Variants in FLRT3 observed in about 807,000 individuals in gnomAD.
FLRT3 encodes the protein fibronectin leucine rich transmembrane protein 3.
FLRT3 carries 17 observed loss-of-function variants against 42.6 expected under a neutral mutation model. The observed-to-expected ratio is 0.40, with a 90% CI of 0.27 to 0.60. The LOEUF is 0.60. Ranked by LOEUF, FLRT3 falls within the 20% of genes least tolerant of loss-of-function variation. The pLI, the probability that FLRT3 is intolerant of heterozygous loss-of-function variation, is 0.44. For missense variants in FLRT3, 635 were observed against 789.2 expected (o/e 0.80, Z 2.34); for synonymous variants, 279 against 286.4 (o/e 0.97, Z 0.26).
At chr20:14,332,402 C>T (rs1476554976) in intron 1 of FLRT3, among the ~76,000 whole-genome samples, 1 of 152,002 alleles carries the variant, frequency 6.6e-6, no homozygotes, top group Non-Finnish European at 1.5e-5. Flanking sequence ...GATTTCTTCC[C>T]TGCTACTACA....
At chr20:14,334,567 G>A in intron 1 of FLRT3, among the ~76,000 whole-genome samples, 1 of 148,998 alleles carries the variant, frequency 6.7e-6, no homozygotes, top group East Asian at 2.1e-4. Context: ...CCGCAAGTCA[G>A]ATGTTGGCTG....
rs1378755718 is a variant in FLRT3 at position 14,327,236 on chromosome 20, A to G, written c.271T>C (p.Tyr91His). 1 of 1,613,738 alleles carries G rather than the reference A, an allele frequency of 6.2e-7. No homozygotes were observed. The highest frequency in any genetic ancestry group is 1.7e-5 in the Admixed American group (1 of 59,966). ...GGAAATTCATCTAAACTGTTGTGGTATAGGTATATTCTTTCTACTTTCAGC... is the reference window on the plus strand; with the variant it reads ...GGAAATTCATCTAAACTGTTGTGGTGTAGGTATATTCTTTCTACTTTCAGC... ...NLLKVERIYL[Y>H]HNSLDEFPTN... The change falls in exon 3 of 3, where the codon TAC becomes CAC. Residue 91 changes from tyrosine to histidine, a missense_variant. Tyr to His is a moderately conservative substitution (Grantham distance 83). Coordinates refer to ENST00000341420, the MANE Select transcript of FLRT3 (RefSeq NM_198391.3).
intron 2 of FLRT3, among the ~76,000 whole-genome samples, chr20:14,328,641 C>T (rs1222690781): frequency 6.6e-6 from 1 of 152,028 alleles, no homozygotes; most frequent in Non-Finnish European, 1.5e-5. Context: ...ATATTATTTT[C>T]CTGGTGAGGG....
intron 1 of FLRT3, 81 bp from the exon 2 acceptor site, chr20:14,329,408 A>G (rs538282745): frequency 1.3e-5 from 2 of 152,236 alleles, no homozygotes; most frequent in East Asian, 1.9e-4. Context: ...TTTAATTTCA[A>G]TGTCTTAAAA....
In FLRT3 at chr20:14,326,300, T is replaced by C; in HGVS notation, c.1207A>G (p.Thr403Ala). ...NPKLTKDHQTTGSPSRKTITI... is the reference protein window; with the variant it reads ...NPKLTKDHQTAGSPSRKTITI... ...ATTGTTTTTCTTGAGGGACTCCCTG[T>C]GGTTTGGTGATCCTTAGTGAGCTTG... Residue 403 changes from threonine to alanine, a missense_variant, in exon 3 of 3, where the codon ACA becomes GCA. Physicochemically the swap from Thr to Ala is moderately conservative, Grantham distance 58. Transcript: ENST00000341420. The surrounding 1 kb of genome is among the most constrained non-coding windows in gnomAD (Gnocchi z 5.5). 6.2e-7 allele frequency: 1 copy of C among 1,613,926 alleles called. No individual in the cohort carries two copies. The highest frequency in any genetic ancestry group is 2.2e-5 in the East Asian group (1 of 44,866).
chr20:14,328,392 T>C (rs988876499), intron 2 of FLRT3, among the ~76,000 whole-genome samples: 5 of 152,128 alleles, frequency 3.3e-5, no homozygotes, highest in Non-Finnish European at 5.9e-5. Flanking sequence ...TTCTACCTCA[T>C]AACGTGTTGT....
At chr20:14,334,795 C>CT (rs11087087) in intron 1 of FLRT3, among the ~76,000 whole-genome samples, 5,345 of 148,724 alleles carry the variant, frequency 0.036, 297 homozygotes, top group African/African-American at 0.12. Context: ...ATTTCTAATG[C>CT]TTTTTTTTTT....
intron 1 of FLRT3, among the ~76,000 whole-genome samples, chr20:14,332,197 A>G (rs1165643239): frequency 6.6e-6 from 1 of 152,120 alleles, no homozygotes; most frequent in Non-Finnish European, 1.5e-5. Context: ...ACAAATAAAA[A>G]TTGTGGGGTT....
In FLRT3 at chr20:14,326,297, C is replaced by G; in HGVS notation, c.1210G>C (p.Gly404Arg). ...GTAATTGTTTTTCTTGAGGGACTCC[C>G]TGTGGTTTGGTGATCCTTAGTGAGC... ...PKLTKDHQTT[G>R]SPSRKTITIT... Residue 404 changes from glycine to arginine, a missense_variant, in exon 3 of 3, where the codon GGG (glycine) becomes CGG (arginine). By Grantham distance (125) the Gly-to-Arg change is moderately radical. Coordinates refer to ENST00000341420, the MANE Select transcript of FLRT3 (RefSeq NM_198391.3). The surrounding 1 kb of genome is among the most constrained non-coding windows in gnomAD (Gnocchi z 5.5). The G allele has an allele frequency of 6.2e-7, 1 of 1,613,872 alleles. No homozygotes were observed. Among genetic ancestry groups the G allele is most frequent in the Non-Finnish European group, 8.5e-7 (1 of 1,179,868 alleles).
At position 14,326,695 on chromosome 20, in the gene FLRT3, C is replaced by G; in HGVS notation, c.812G>C (p.Arg271Thr). Residue 271 changes from arginine (R) to threonine (T), a missense_variant, in exon 3 of 3, where the codon AGG becomes ACG. By Grantham distance (71) the Arg-to-Thr change is moderately conservative. Coordinates refer to ENST00000341420, the MANE Select transcript of FLRT3 (RefSeq NM_198391.3). The surrounding 1 kb of genome is among the most constrained non-coding windows in gnomAD (Gnocchi z 5.5). Reference sequence around the variant, plus strand: ...GGACATATCCAGTCGATAGAGCTGCCTTAGATAAGAAAAAGCATTTGGGGG... The same window carrying G: ...GGACATATCCAGTCGATAGAGCTGCGTTAGATAAGAAAAAGCATTTGGGGG... ...RVPPNAFSYLRQLYRLDMSNN... is the reference protein window; with the variant it reads ...RVPPNAFSYLTQLYRLDMSNN... 1 of 1,613,704 alleles carries G rather than the reference C, an allele frequency of 6.2e-7. No homozygotes were observed. Among genetic ancestry groups the G allele is most frequent in the African/African-American group, 1.3e-5 (1 of 74,986 alleles).
At position 14,325,369 on chromosome 20, in the gene FLRT3, G is replaced by A. The variant is rs989100985; in HGVS notation, c.*188C>T. 2 of 505,156 alleles carry A rather than the reference G, an allele frequency of 4.0e-6. No homozygotes were observed. Among genetic ancestry groups the A allele is most frequent in the South Asian group, 4.2e-5 (1 of 23,846 alleles). 31.3% of individuals were successfully genotyped at this position (505,156 alleles called of 1,614,324 possible). On this transcript the variant is annotated 3_prime_UTR_variant, in exon 3 of 3. Coordinates refer to ENST00000341420, the MANE Select transcript of FLRT3 (RefSeq NM_198391.3). ...TTCAGGCATCTCCACTACATCAATC[G>A]CAGCAGTAACCTGAAATTTGAAACT...
rs1363541344 is a variant in FLRT3, at chr20:14,324,095, G to A, written c.*1462C>T. 1.3e-5 allele frequency: 2 copies of A among 152,518 alleles called. No homozygotes were observed. Among genetic ancestry groups the A allele is most frequent in the Non-Finnish European group, 2.9e-5 (2 of 68,018 alleles). 9.4% of individuals were successfully genotyped at this position (152,518 alleles called of 1,614,324 possible). A position where few individuals can be genotyped will look rare whatever the true frequency, so the allele number is the denominator to read the frequency against. ...CTGGGCAATTTGCTACTTAGTGATA[G>A]TAACACAATCCTGAAAAAGCAAGCA... On this transcript the variant is annotated 3_prime_UTR_variant, in exon 3 of 3. Transcript: ENST00000341420.
At chr20:14,334,897 C>A (rs2082909784) in intron 1 of FLRT3, among the ~76,000 whole-genome samples, 1 of 151,816 alleles carries the variant, frequency 6.6e-6, no homozygotes, top group African/African-American at 2.4e-5. Context: ...CAATCACATT[C>A]TTTGTTATAT....
chr20:14,326,476 G>A lies in FLRT3; in HGVS notation c.1031C>T (p.Ala344Val), dbSNP rs983233462. Residue 344 changes from alanine (A) to valine (V), a missense_variant, in exon 3 of 3, where the codon GCT (alanine) becomes GTT (valine). Transcript: ENST00000341420. The surrounding 1 kb of genome is among the most constrained non-coding windows in gnomAD (Gnocchi z 5.5). Reference sequence around the variant, plus strand: ...CAGTTCTGCATTGAGATCCTTAATAGCCATCCCACGAACCTTTTCTGGGGC... The same window carrying A: ...CAGTTCTGCATTGAGATCCTTAATAACCATCCCACGAACCTTTTCTGGGGC... ...CQAPEKVRGM[A>V]IKDLNAELFD... 2 of 1,613,734 alleles carry A rather than the reference G, an allele frequency of 1.2e-6. No homozygotes were observed. Among genetic ancestry groups the A allele is most frequent in the African/African-American group, 1.3e-5 (1 of 74,880 alleles).
At chr20:14,334,881 A>AT (rs1368079219) in intron 1 of FLRT3, among the ~76,000 whole-genome samples, 1 of 152,068 alleles carries the variant, frequency 6.6e-6, no homozygotes, top group East Asian at 1.9e-4. Context: ...GGATTTTGCC[A>AT]TTAATCAATC....
chr20:14,325,954 T>C lies in FLRT3; in HGVS notation c.1553A>G (p.Glu518Gly), dbSNP rs773134271. 1 of 1,613,916 alleles carries C rather than the reference T, an allele frequency of 6.2e-7. No individual in the cohort carries two copies. Among genetic ancestry groups the C allele is most frequent in the Non-Finnish European group, 8.5e-7 (1 of 1,179,880 alleles). The stretch of plus-strand genomic sequence containing the variant: ...ATTGGGGTTTTTGTAAGGTTCTTTC[T>C]CTTGCTCTCGATTGAGGGTGGTTGT... ...NPTTTLNREQEKEPYKNPNLP... is the reference protein window; with the variant it reads ...NPTTTLNREQGKEPYKNPNLP... Residue 518 changes from glutamate (E) to glycine (G), a missense_variant, in exon 3 of 3, where the codon GAG becomes GGG. Glu to Gly is a moderately conservative substitution (Grantham distance 98, BLOSUM62 -2). Coordinates refer to ENST00000341420, the MANE Select transcript of FLRT3 (RefSeq NM_198391.3).
intron 1 of FLRT3, among the ~76,000 whole-genome samples, chr20:14,332,205 G>T (rs949299523): frequency 4.5e-4 from 69 of 152,020 alleles, no homozygotes; most frequent in African/African-American, 1.5e-3. Context: ...AAATTGTGGG[G>T]TTTTTTTGCA....
At position 14,323,077 on chromosome 20, in the gene FLRT3, C is replaced by A. The variant is rs1481025147; in HGVS notation, c.*2480G>T. 2 of 152,142 alleles carry A rather than the reference C, an allele frequency of 1.3e-5. No homozygotes were observed. The highest frequency in any genetic ancestry group is 2.9e-5 in the Non-Finnish European group (2 of 68,026). The allele number at this position is 152,142 out of a possible 1,614,324, so 9.4% of individuals were successfully genotyped here. On this transcript the variant is annotated 3_prime_UTR_variant, in exon 3 of 3. Transcript: ENST00000341420. ...AGTTTTGCCCCATACACCACGCAAG[C>A]AATCAGTTCTTCAGCAGATACCAGC...
At position 14,325,966 on chromosome 20, in the gene FLRT3, T is replaced by C. The variant is rs1362185997; in HGVS notation, c.1541A>G (p.Asn514Ser). 13 of 1,613,626 alleles carry C rather than the reference T, an allele frequency of 8.1e-6. No homozygotes were observed. Among genetic ancestry groups the C allele is most frequent in the Non-Finnish European group, 1.0e-5 (12 of 1,179,832 alleles). ...GTAAGGTTCTTTCTCTTGCTCTCGA[T>C]TGAGGGTGGTTGTAGGGTTGTACAT... Reference protein sequence around the residue: ...LRMYNPTTTLNREQEKEPYKN... With the variant: ...LRMYNPTTTLSREQEKEPYKN... The change falls in exon 3 of 3, where the codon AAT becomes AGT. Residue 514 changes from asparagine (N) to serine (S), a missense_variant. Asn to Ser is a conservative substitution (Grantham distance 46, BLOSUM62 1). Transcript: ENST00000341420.
Sources: allele counts gnomAD v4.1 joint callset (sites outside exome capture counted in the v4.1 genomes callset), GRCh38; gene constraint gnomAD v4.1.1; non-coding constraint Gnocchi (gnomAD v3.1); transcripts MANE v1.5; gene names NCBI Gene and HGNC (gene_info 2026-07-23, HGNC 2026-07-21).